Variants in OR5D3 observed in about 807,000 individuals in gnomAD.
OR5D3 encodes olfactory receptor 5D3.
chr11:55,723,961 T>G, the OR5D3 span: 7 of 397,728 alleles, frequency 1.8e-5, no homozygotes, highest in Admixed American at 3.1e-4. Flanking sequence ...TTTGTTTCTA[T>G]TAATTAAGTG....
chr11:55,727,103 T>C, the OR5D3 span: 14 of 401,728 alleles, frequency 3.5e-5, no homozygotes, highest in Admixed American at 3.5e-4. Flanking sequence ...AACAAAGATG[T>C]AAAAGAGACA....
the OR5D3 span, chr11:55,728,456 TGG>T: frequency 6.6e-6 from 1 of 152,100 alleles, no homozygotes; most frequent in South Asian, 2.1e-4. Flanking sequence ...AGATAACCCA[TGG>T]CTCTAATTGG....
the OR5D3 span, among the ~76,000 whole-genome samples, chr11:55,725,179 A>G: frequency 6.6e-6 from 1 of 152,038 alleles, no homozygotes; most frequent in Admixed American, 6.6e-5. Flanking sequence ...TATGCTTTAT[A>G]CTGTGTTTTA....
chr11:55,724,084 A>T, the OR5D3 span: 18 of 397,384 alleles, frequency 4.5e-5, no homozygotes, highest in African/African-American at 3.7e-4. Context: ...TTAAAATTTT[A>T]TTTCAGAAGG....
the OR5D3 span, chr11:55,727,479 A>C: frequency 6.1e-6 from 1 of 163,952 alleles, no homozygotes; most frequent in Non-Finnish European, 1.3e-5. Flanking sequence ...ATAGTAGTTT[A>C]TAATGAGGAA....
the OR5D3 span, chr11:55,726,078 G>A: frequency 1.5e-5 from 6 of 395,656 alleles, no homozygotes; most frequent in Non-Finnish European, 1.8e-5. Flanking sequence ...GAAATAATTT[G>A]ACAGTGGAAA....
At chr11:55,728,984 G>T in the OR5D3 span, 1 of 151,906 alleles carries the variant, frequency 6.6e-6, no homozygotes, top group Non-Finnish European at 1.5e-5. Context: ...TATTCAATAA[G>T]GTTTCCAGGA....
the OR5D3 span, chr11:55,727,270 A>G: frequency 2.5e-6 from 1 of 395,570 alleles, no homozygotes; most frequent in Non-Finnish European, 4.4e-6. Flanking sequence ...ATCTATTCAC[A>G]CTGATGTTTA....
the OR5D3 span, chr11:55,729,531 A>T: frequency 2.6e-5 from 4 of 152,030 alleles, no homozygotes; most frequent in South Asian, 8.3e-4. Context: ...TATTATGTTG[A>T]CTAAACAAAG....
the OR5D3 span, chr11:55,728,069 T>G: frequency 6.6e-6 from 1 of 151,990 alleles, no homozygotes; most frequent in Non-Finnish European, 1.5e-5. Flanking sequence ...GTTCGACCAT[T>G]TGGGTGTCAA....
chr11:55,726,846 GGTGATCATTCTCA>G, the OR5D3 span: 5 of 398,896 alleles, frequency 1.3e-5, no homozygotes, highest in South Asian at 2.5e-4. Flanking sequence ...TAAGCAGCCT[GGTGATCATTCTCA>G]CTTCCTATGC....
chr11:55,726,480 C>G, the OR5D3 span: 2 of 453,812 alleles, frequency 4.4e-6, no homozygotes, highest in Non-Finnish European at 8.0e-6. Flanking sequence ...TTGTGGAAGA[C>G]AGAATCATCT....
the OR5D3 span, chr11:55,724,131 A>T: frequency 6.9e-4 from 272 of 393,574 alleles, no homozygotes; most frequent in Admixed American, 2.5e-3. Flanking sequence ...TACCAGACAA[A>T]CACACGTGTA....
chr11:55,726,261 C>A, the OR5D3 span: 1 of 405,066 alleles, frequency 2.5e-6, no homozygotes, highest in East Asian at 3.5e-5. Context: ...TCCTCTTGGG[C>A]TTCTCAGAAT....
the OR5D3 span, chr11:55,726,969 T>C: frequency 5.0e-5 from 20 of 400,384 alleles, no homozygotes; most frequent in East Asian, 2.1e-4. Context: ...CCATTTTCCA[T>C]GGGACTATCC....
At chr11:55,725,610 A>T in the OR5D3 span, among the ~76,000 whole-genome samples, 203 of 152,190 alleles carry the variant, frequency 1.3e-3, no homozygotes, top group Non-Finnish European at 1.0e-3. Flanking sequence ...CATTAAAAAT[A>T]ACATGAAAAT....
the OR5D3 span, among the ~76,000 whole-genome samples, chr11:55,724,927 G>A: frequency 2.0e-5 from 3 of 151,988 alleles, no homozygotes; most frequent in Non-Finnish European, 4.4e-5. Flanking sequence ...AAGCTATTGT[G>A]TAATGGAAAA....
chr11:55,724,573 C>T, the OR5D3 span, among the ~76,000 whole-genome samples: 1 of 152,026 alleles, frequency 6.6e-6, no homozygotes. Context: ...GATACATCTA[C>T]CATGACTTTG....
the OR5D3 span, chr11:55,726,714 T>A: frequency 2.5e-6 from 1 of 399,188 alleles, no homozygotes; most frequent in East Asian, 3.6e-5. Flanking sequence ...TGACTTTATC[T>A]TTTTGTAGGA....
Sources: gnomAD v4.1 joint callset for allele counts (sites outside exome capture counted in the v4.1 genomes callset) on GRCh38, gnomAD v4.1.1 for gene constraint, MANE v1.5 for transcripts, NCBI Gene and HGNC (gene_info 2026-07-23, HGNC 2026-07-21) for gene names.